PALM2AKAP2: variants seen among roughly 807,000 people sequenced by gnomAD.
PALM2AKAP2 encodes the protein PALM2 and AKAP2 fusion, also known as PALM2-AKAP2 fusion protein.
In PALM2AKAP2, 37 loss-of-function variants were observed where a neutral mutation model predicts 71.5. The ratio of observed to expected loss-of-function variants is 0.52; its 90% CI spans 0.40 to 0.68. The LOEUF is 0.68. Ranked by LOEUF, PALM2AKAP2 falls within the 30% of genes least tolerant of loss-of-function variation. The pLI, the probability that PALM2AKAP2 is intolerant of heterozygous loss-of-function variation, is 0.00. For missense variants in PALM2AKAP2, 1,224 were observed against 1,191.8 expected (o/e 1.03, Z -0.40); for synonymous variants, 468 against 478.8 (o/e 0.98, Z 0.29).
At chr9:110,056,821 G>A (rs1258301557) in intron 1 of PALM2AKAP2, among the ~76,000 whole-genome samples, 1 of 152,058 alleles carries the variant, frequency 6.6e-6, no homozygotes, top group Non-Finnish European at 1.5e-5. Context: ...GCTTTTGAAT[G>A]GAATCACAAT....
intron 6 of PALM2AKAP2, among the ~76,000 whole-genome samples, chr9:109,950,583 A>C (rs1831613533): frequency 1.3e-5 from 2 of 152,140 alleles, no homozygotes; most frequent in Non-Finnish European, 2.9e-5. Context: ...CTCTCTTCCC[A>C]AGCATCATCC....
chr9:109,838,175 GTC>G (rs1308529970), intron 1 of PALM2AKAP2, among the ~76,000 whole-genome samples: 1 of 152,138 alleles, frequency 6.6e-6, no homozygotes, highest in African/African-American at 2.4e-5. Context: ...ATAACAAACT[GTC>G]TCTCAGACCA....
chr9:109,712,862 C>A (rs1483985076), intron 1 of PALM2AKAP2, among the ~76,000 whole-genome samples: 1 of 152,200 alleles, frequency 6.6e-6, no homozygotes, highest in Non-Finnish European at 1.5e-5. Flanking sequence ...CACTGTTAGA[C>A]CATGATAACA....
chr9:109,810,365 A>G (rs1827696594), intron 1 of PALM2AKAP2, among the ~76,000 whole-genome samples: 1 of 152,214 alleles, frequency 6.6e-6, no homozygotes, highest in African/African-American at 2.4e-5. Context: ...AGGGCTGGCC[A>G]GTGAATTAGG....
chr9:109,641,611 C>A (rs1015380564), intron 1 of PALM2AKAP2, among the ~76,000 whole-genome samples: 15 of 152,196 alleles, frequency 9.9e-5, no homozygotes, highest in African/African-American at 3.4e-4. Context: ...TTTGGACACT[C>A]TCTCGAGCTG....
intron 1 of PALM2AKAP2, among the ~76,000 whole-genome samples, chr9:109,719,594 T>C (rs919856876): frequency 4.6e-5 from 7 of 152,222 alleles, no homozygotes; most frequent in Non-Finnish European, 8.8e-5. Flanking sequence ...GTATGAATAT[T>C]CACTATTGTG....
At chr9:109,869,712 G>A (rs1476874373) in intron 2 of PALM2AKAP2, among the ~76,000 whole-genome samples, 1 of 148,830 alleles carries the variant, frequency 6.7e-6, no homozygotes, top group Non-Finnish European at 1.5e-5. Flanking sequence ...ACTTGGTCTT[G>A]TATGCGGAAG....
At chr9:109,954,359 A>G (rs568615501) in intron 6 of PALM2AKAP2, among the ~76,000 whole-genome samples, 28 of 152,206 alleles carry the variant, frequency 1.8e-4, no homozygotes, top group African/African-American at 5.3e-4. Flanking sequence ...AGACCACATC[A>G]TCTCCCCAGC....
intron 1 of PALM2AKAP2, among the ~76,000 whole-genome samples, chr9:109,793,788 T>G (rs1827179608): frequency 6.6e-6 from 1 of 152,222 alleles, no homozygotes; most frequent in Non-Finnish European, 1.5e-5. Flanking sequence ...CAAAAAAGGA[T>G]CTTTTATGAC....
chr9:109,852,804 A>G (rs1290323695), intron 1 of PALM2AKAP2, among the ~76,000 whole-genome samples: 3 of 151,508 alleles, frequency 2.0e-5, no homozygotes, highest in Admixed American at 2.0e-4. Flanking sequence ...GCATTTTTTC[A>G]TATGTTTGTT....
intron 1 of PALM2AKAP2, among the ~76,000 whole-genome samples, chr9:109,758,925 C>T (rs1389193696): frequency 1.3e-5 from 2 of 151,938 alleles, no homozygotes; most frequent in Non-Finnish European, 2.9e-5. Context: ...TTTCATTTGC[C>T]TTTCTCTTAT....
intron 1 of PALM2AKAP2, among the ~76,000 whole-genome samples, chr9:110,081,073 C>G (rs573986142): frequency 1.3e-5 from 2 of 152,150 alleles, no homozygotes; most frequent in South Asian, 2.1e-4. Flanking sequence ...TGAATCCTTC[C>G]GGAGACTGAA....
chr9:110,068,516 T>G (rs1834134096), intron 1 of PALM2AKAP2, among the ~76,000 whole-genome samples: 1 of 145,302 alleles, frequency 6.9e-6, no homozygotes, highest in Non-Finnish European at 1.5e-5. Flanking sequence ...TTGGAGCTTT[T>G]TTAAAAAAAA....
At chr9:109,757,614 T>A (rs1449405089) in intron 1 of PALM2AKAP2, among the ~76,000 whole-genome samples, 2 of 152,082 alleles carry the variant, frequency 1.3e-5, no homozygotes, top group African/African-American at 2.4e-5. Context: ...GTCCGCAATA[T>A]GTACAGTTGT....
At chr9:109,748,928 C>A (rs1008097140) in intron 1 of PALM2AKAP2, among the ~76,000 whole-genome samples, 4 of 152,132 alleles carry the variant, frequency 2.6e-5, no homozygotes, top group African/African-American at 9.7e-5. Context: ...TATAAAGACT[C>A]CAGCCATATT....
intron 1 of PALM2AKAP2, among the ~76,000 whole-genome samples, chr9:110,112,118 C>T (rs916398826): frequency 6.6e-6 from 1 of 151,898 alleles, no homozygotes; most frequent in Admixed American, 6.6e-5. Flanking sequence ...AAGTCACTCA[C>T]CTGGAGTATT....
intron 1 of PALM2AKAP2, among the ~76,000 whole-genome samples, chr9:109,684,008 C>T (rs1005056917): frequency 4.6e-5 from 7 of 152,102 alleles, no homozygotes; most frequent in African/African-American, 1.7e-4. Context: ...GGTCCTGGAA[C>T]ACACCAAATG....
At chr9:110,035,509 TTG>T (rs1395394051) in intron 7 of PALM2AKAP2, among the ~76,000 whole-genome samples, 8 of 144,894 alleles carry the variant, frequency 5.5e-5, no homozygotes, top group Non-Finnish European at 1.1e-4. Flanking sequence ...ATATGATATG[TTG>T]TGTGTTATAT....
At chr9:109,935,467 A>G (rs1479456466) in intron 6 of PALM2AKAP2, among the ~76,000 whole-genome samples, 1 of 152,202 alleles carries the variant, frequency 6.6e-6, no homozygotes, top group African/African-American at 2.4e-5. Context: ...TGTGTAGTCC[A>G]CAGGAATATA....
Sources: gnomAD v4.1 joint callset for allele counts (sites outside exome capture counted in the v4.1 genomes callset) on GRCh38, gnomAD v4.1.1 for gene constraint, MANE v1.5 for transcripts, NCBI Gene and HGNC (gene_info 2026-07-23, HGNC 2026-07-21) for gene names.